The following AMMECR1 variants were observed in gnomAD, a reference collection of about 807,000 sequenced individuals.
AMMECR1 encodes the protein nuclear protein AMMECR1.
In AMMECR1, 3 loss-of-function variants were observed where a neutral mutation model predicts 22.5. The ratio of observed to expected loss-of-function variants is 0.13; its 90% confidence interval spans 0.06 to 0.35. The LOEUF (loss-of-function observed/expected upper bound fraction) is 0.35. Ranked by LOEUF, AMMECR1 falls within the 10% of genes least tolerant of loss-of-function variation. AMMECR1 has a pLI of 1.00. For synonymous variants in AMMECR1, 130 were observed against 116.7 expected, an observed-to-expected ratio of 1.11 and a Z score of -0.74; for missense variants, 235 against 278.7, an observed-to-expected ratio of 0.84 and a Z score of 1.12.
intron 1 of AMMECR1, among the ~76,000 whole-genome samples, chrX:110,303,028 C>T (rs1349178236): frequency 9.0e-6 from 1 of 111,171 alleles, no homozygotes; most frequent in Non-Finnish European, 1.9e-5. Context: ...GACCTGAGGC[C>T]GTGCTGGACT....
At chrX:110,282,821 G>T (rs1242846342) in intron 1 of AMMECR1, among the ~76,000 whole-genome samples, 1 of 111,284 alleles carries the variant, frequency 9.0e-6, no homozygotes, top group African/African-American at 3.3e-5. Context: ...TTCAGTGAGA[G>T]CATATTATGA....
intron 1 of AMMECR1, among the ~76,000 whole-genome samples, chrX:110,295,927 CTG>C (rs773359748): frequency 3.1e-4 from 35 of 111,895 alleles, no homozygotes; most frequent in African/African-American, 1.1e-3. Context: ...TATGCAGCTG[CTG>C]TCTTTCAAAT....
upstream of AMMECR1, among the ~76,000 whole-genome samples, chrX:110,318,845 C>T (rs2068067929): frequency 8.9e-6 from 1 of 112,401 alleles, no homozygotes; most frequent in African/African-American, 3.2e-5. Context: ...GTTCCCCCAA[C>T]TTACCCTCCT....
Position 110,302,073 on chromosome X carries a change from A to G in AMMECR1, c.473+15526T>C, listed in dbSNP as rs142561592. 5.3e-3 allele frequency among the ~76,000 whole-genome samples: 596 copies of G among 111,816 alleles called. 3 individuals carry two copies. Among genetic ancestry groups the G allele is most frequent in the African/African-American group, 0.019 (579 of 30,737 alleles). The stretch of plus-strand genomic sequence containing the variant: ...CCTACCATCTTGAATACAGCTACAT[A>G]TAACCAGGTCAGTCTCTAACTAACA... On this transcript the variant is annotated intron_variant, in intron 1 of 5. Transcript: ENST00000262844.
chrX:110,296,725 C>T (rs1280288098), intron 1 of AMMECR1, among the ~76,000 whole-genome samples: 1 of 111,332 alleles, frequency 9.0e-6, no homozygotes, highest in East Asian at 2.8e-4. Context: ...TAACGTCTCT[C>T]TTTCTCTGTT....
chrX:110,344,963 G>A (rs375776926), intron 2 of AMMECR1, among the ~76,000 whole-genome samples: 1 of 112,180 alleles, frequency 8.9e-6, no homozygotes, highest in Non-Finnish European at 1.9e-5. Flanking sequence ...TAGAACTAGA[G>A]ATACCATTTG....
intron 2 of AMMECR1, among the ~76,000 whole-genome samples, chrX:110,377,532 G>T (rs932198642): frequency 1.8e-5 from 2 of 111,592 alleles, no homozygotes; most frequent in African/African-American, 6.5e-5. Flanking sequence ...TAAAAGGCTC[G>T]AACTATTATG....
intron 1 of AMMECR1, among the ~76,000 whole-genome samples, chrX:110,303,335 T>C (rs1025617842): frequency 1.8e-5 from 2 of 111,395 alleles, no homozygotes; most frequent in Non-Finnish European, 3.8e-5. Context: ...CCCCCAGTTG[T>C]GCTCTACACT....
chrX:110,347,031 A>G (rs1043279149), intron 2 of AMMECR1: 2 of 443,544 alleles, frequency 4.5e-6, no homozygotes, highest in Non-Finnish European at 8.2e-6. Context: ...GCATTCCTAT[A>G]CATTGATGAT....
chrX:110,430,023 G>C (rs1340343653), intron 1 of AMMECR1, among the ~76,000 whole-genome samples: 1 of 111,757 alleles, frequency 8.9e-6, no homozygotes, highest in East Asian at 2.8e-4. Context: ...CTGGGTGGTG[G>C]GCATGTTCTT....
At chrX:110,264,244 GAA>G (rs1197003666) in intron 2 of AMMECR1, among the ~76,000 whole-genome samples, 4 of 102,158 alleles carry the variant, frequency 3.9e-5, no homozygotes, top group Non-Finnish European at 8.1e-5. Context: ...GCCACTGGAA[GAA>G]AAAAAAAACA....
chrX:110,354,696 A>G (rs1291568693), intron 2 of AMMECR1, among the ~76,000 whole-genome samples: 1 of 112,247 alleles, frequency 8.9e-6, no homozygotes, highest in Non-Finnish European at 1.9e-5. Flanking sequence ...AGCAAACCCA[A>G]GTATTTATGA....
intron 2 of AMMECR1, among the ~76,000 whole-genome samples, chrX:110,338,042 A>T (rs995663132): frequency 8.9e-6 from 1 of 111,842 alleles, no homozygotes. Flanking sequence ...AAAACAGAAC[A>T]GTGATTGCCA....
intron 2 of AMMECR1, among the ~76,000 whole-genome samples, chrX:110,348,779 T>C (rs2068200320): frequency 8.9e-6 from 1 of 112,447 alleles, no homozygotes; most frequent in Non-Finnish European, 1.9e-5. Flanking sequence ...CACATTTATG[T>C]ATATGCATAG....
chrX:110,363,330 A>T (rs1328325465), intron 2 of AMMECR1, among the ~76,000 whole-genome samples: 6 of 112,238 alleles, frequency 5.3e-5, no homozygotes, highest in African/African-American at 1.9e-4. Context: ...CTCTAGAATT[A>T]AGGTCAACTG....
At chrX:110,275,026 C>G (rs995559728) in intron 1 of AMMECR1, among the ~76,000 whole-genome samples, 12 of 111,674 alleles carry the variant, frequency 1.1e-4, no homozygotes, top group Admixed American at 7.6e-4. Context: ...ACTGTTATAC[C>G]TTTAACTTCT....
intron 1 of AMMECR1, among the ~76,000 whole-genome samples, chrX:110,278,406 T>C (rs939622494): frequency 8.9e-6 from 1 of 111,768 alleles, no homozygotes; most frequent in South Asian, 3.7e-4. Context: ...TAGCAGTAAG[T>C]AAGCCAATGT....
intron 2 of AMMECR1, among the ~76,000 whole-genome samples, chrX:110,228,810 T>C (rs938913508): frequency 2.7e-5 from 3 of 111,998 alleles, no homozygotes; most frequent in African/African-American, 9.7e-5. Context: ...ACGCTCCTAG[T>C]AGGGGCTGGT....
intron 2 of AMMECR1, among the ~76,000 whole-genome samples, chrX:110,323,707 A>G (rs945320000): frequency 1.8e-5 from 2 of 112,228 alleles, no homozygotes; most frequent in Non-Finnish European, 3.8e-5. Context: ...TAATGTTGCA[A>G]AGAAAATTGG....
Sources: allele counts gnomAD v4.1 joint callset (sites outside exome capture counted in the v4.1 genomes callset), GRCh38; gene constraint gnomAD v4.1.1; transcripts MANE v1.5; gene names NCBI Gene and HGNC (gene_info 2026-07-23, HGNC 2026-07-21).